The following HIP1R variants were observed in gnomAD, a reference collection of about 807,000 sequenced individuals.
HIP1R encodes the protein huntingtin interacting protein 1 related.
Under a neutral mutation model 144.2 loss-of-function variants are expected in HIP1R, and 135 were observed. The observed-to-expected ratio is 0.94, with a 90% CI of 0.81 to 1.08. The LOEUF is 1.08. Among genes scored for constraint, HIP1R ranks in the 50% least tolerant of loss-of-function variants. The pLI, the probability that HIP1R is intolerant of heterozygous loss-of-function variation, is 0.00. For synonymous variants in HIP1R, 698 were observed against 612.8 expected, an observed-to-expected ratio of 1.14 and a Z score of -2.05; for missense variants, 1,462 against 1,432.8, an observed-to-expected ratio of 1.02 and a Z score of -0.33.
chr12:122,856,678 G>A lies in HIP1R; in HGVS notation c.1572G>A (p.Lys524=). ...AGCTCAAGAGGGAGCTGGAGGCCAA[G>A]GCCGGAGAGCTGGCCCGCGCGCAGG... The part of the protein sequence containing the change: ...LEKLKRELEA[K]AGELARAQEA... The change falls in exon 17 of 32, where the codon AAG becomes AAA. Residue 524 remains lysine (K), a synonymous_variant. Transcript: ENST00000253083. 1.2e-6 allele frequency: 2 copies of A among 1,601,382 alleles called. No homozygotes were observed. The highest frequency in any genetic ancestry group is 1.7e-6 in the Non-Finnish European group (2 of 1,174,456).
chr12:122,859,923 G>A, intron 24 of HIP1R, 93 bp downstream of exon 24: 11 of 1,480,854 alleles, frequency 7.4e-6, no homozygotes, highest in Non-Finnish European at 1.0e-5. Context: ...CACGGGAAAG[G>A]AAGGCCTGGC....
At chr12:122,860,648 A>ACCCTGG in intron 27 of HIP1R, 31 bp from the exon 28 acceptor site, 1 of 1,593,318 alleles carries the variant, frequency 6.3e-7, no homozygotes, top group Non-Finnish European at 8.6e-7. Flanking sequence ...GGGGTCAGAG[A>ACCCTGG]CCCTGGCCCT....
intron 8 of HIP1R, 76 bp from the exon 9 acceptor site, chr12:122,854,829 C>G (rs1245918223): frequency 1.4e-6 from 2 of 1,458,574 alleles, no homozygotes; most frequent in Non-Finnish European, 1.9e-6. Flanking sequence ...TTGTAGCATA[C>G]GGAGGAACAA....
Position 122,860,452 on chromosome 12 carries a change from CAAG to C in HIP1R, c.2592_2594del (p.Lys864del). On this transcript the variant is annotated inframe_deletion, in exon 27 of 32. Transcript: ENST00000253083. ...CAGCCACGCAGCAGGAATTTTACGC[CAAG>C]AACTCGCGCTGGACCGAAGGCCTCA... 1 of 1,613,416 alleles carries C rather than the reference CAAG, an allele frequency of 6.2e-7. No individual in the cohort carries two copies. The highest frequency in any genetic ancestry group is 8.5e-7 in the Non-Finnish European group (1 of 1,180,000).
rs763121106 is a variant in HIP1R, at chr12:122,855,092, C to A, written c.816C>A (p.Tyr272Ter). 1 of 1,613,856 alleles carries A rather than the reference C, an allele frequency of 6.2e-7. No homozygotes were observed. The highest frequency in any genetic ancestry group is 8.5e-7 in the Non-Finnish European group (1 of 1,180,020). ...TCCGCAGAGCCTCCGACATGCTGTACTTCAAGCGGCTCATCCAGATCCCCC... is the reference window on the plus strand; with the variant it reads ...TCCGCAGAGCCTCCGACATGCTGTAATTCAAGCGGCTCATCCAGATCCCCC... Reference protein sequence around the residue: ...NFFRRASDMLYFKRLIQIPRL... With the variant: ...NFFRRASDML The change falls in exon 10 of 32, where the codon TAC becomes TAA. Residue 272 changes from tyrosine to a stop codon, truncating the protein, a stop_gained. Transcript: ENST00000253083. LOFTEE classifies it high-confidence loss of function.
chr12:122,858,890 T>C lies in HIP1R; in HGVS notation c.2103T>C (p.Asp701=), dbSNP rs2033677420. 2 of 1,613,244 alleles carry C rather than the reference T, an allele frequency of 1.2e-6. No individual in the cohort carries two copies. Among genetic ancestry groups the C allele is most frequent in the Non-Finnish European group, 1.7e-6 (2 of 1,180,016 alleles). Residue 701 remains aspartate (D), a synonymous_variant, in exon 21 of 32, where the codon GAT becomes GAC. Transcript: ENST00000253083. ...ALTRFSHLAA[D]TIINGGATSH... The stretch of plus-strand genomic sequence containing the variant: ...CCCGCTTCTCCCACCTGGCTGCGGA[T>C]ACCATCATCAATGGCGGTGCCACCT...
chr12:122,857,907 C>T (rs928083135), intron 18 of HIP1R, 195 bp from the exon 19 acceptor site: 5 of 450,654 alleles, frequency 1.1e-5, no homozygotes, highest in African/African-American at 2.0e-5. Flanking sequence ...CTTGAGCTCA[C>T]GTTTTAATTG....
Position 122,860,044 on chromosome 12 carries a change from C to A in HIP1R, c.2466-3C>A, listed in dbSNP as rs754351737. On this transcript the variant is annotated splice_polypyrimidine_tract_variant and splice_region_variant and intron_variant, in intron 24 of 31. Transcript: ENST00000253083. The stretch of plus-strand genomic sequence containing the variant: ...CAGCTAAGTCTCTCCTTCTCTCCCC[C>A]AGGATCCTCAACTCCTGCACAGACC... 1.7e-5 allele frequency: 26 copies of A among 1,555,918 alleles called. No individual in the cohort carries two copies. The highest frequency in any genetic ancestry group is 9.5e-5 in the Admixed American group (5 of 52,430).
intron 7 of HIP1R, among the ~76,000 whole-genome samples, chr12:122,852,741 A>G (rs2033437190): frequency 6.6e-6 from 1 of 152,110 alleles, no homozygotes; most frequent in South Asian, 2.1e-4. Context: ...GGTGGTGGGA[A>G]GAGAGATGTG....
chr12:122,860,701 C>G lies in HIP1R; in HGVS notation c.2683C>G (p.Leu895Val). 6.2e-7 allele frequency: 1 copy of G among 1,613,370 alleles called. No individual in the cohort carries two copies. The highest frequency in any genetic ancestry group is 8.5e-7 in the Non-Finnish European group (1 of 1,179,970). ...QLVEAADKVV[L>V]HTGKYEELIV... ...CAGGGAGGCAGCTGACAAGGTGGTG[C>G]TTCACACGGGCAAGTATGAGGAGCT... Residue 895 changes from leucine to valine, a missense_variant, in exon 28 of 32, where the codon CTT (leucine) becomes GTT (valine). Physicochemically the swap from Leu to Val is conservative, Grantham distance 32. Around this residue, in one of 2 missense-constraint regions of HIP1R, gnomAD observed 1,112 missense variants for 1,011.7 expected, o/e 1.10. Coordinates refer to ENST00000253083, the MANE Select transcript of HIP1R (RefSeq NM_003959.3).
Position 122,858,147 on chromosome 12 carries a change from T to A in HIP1R, c.1861T>A (p.Phe621Ile). 1 of 1,603,876 alleles carries A rather than the reference T, an allele frequency of 6.2e-7. No individual in the cohort carries two copies. ...GCGGCAGAGGCTGCTGGACGAGCAG[T>A]TCGCAGTGTTGCGGGGCGCTGCTGC... ...GLRQRLLDEQ[F>I]AVLRGAAAEA... Residue 621 changes from phenylalanine to isoleucine, a missense_variant, in exon 19 of 32, where the codon TTC (phenylalanine) becomes ATC (isoleucine). Transcript: ENST00000253083.
At chr12:122,857,272 C>G in intron 18 of HIP1R, 57 bp downstream of exon 18, 2 of 1,462,728 alleles carry the variant, frequency 1.4e-6, no homozygotes, top group Non-Finnish European at 9.4e-7. Context: ...TGGCAACCAT[C>G]GATCTGTCTC....
chr12:122,842,040 C>T (rs1566101445), intron 1 of HIP1R, among the ~76,000 whole-genome samples: 1 of 152,178 alleles, frequency 6.6e-6, no homozygotes, highest in Non-Finnish European at 1.5e-5. Context: ...CTGTCCGCCT[C>T]GCTGCTTTGC....
chr12:122,844,530 C>T (rs1218854312), intron 1 of HIP1R, among the ~76,000 whole-genome samples: 1 of 152,232 alleles, frequency 6.6e-6, no homozygotes, highest in Non-Finnish European at 1.5e-5. Context: ...GCATCCTCCT[C>T]CTCATGCTCT....
Position 122,861,821 on chromosome 12 carries a change from G to T in HIP1R, c.*68G>T. On this transcript the variant is annotated 3_prime_UTR_variant, in exon 32 of 32. Coordinates refer to ENST00000253083, the MANE Select transcript of HIP1R (RefSeq NM_003959.3). ...CCTCTGCAACTGCCCTGACAGGACC[G>T]AGAGGCCTTGCCCCTCCACCTGGTG... The T allele has an allele frequency of 1.4e-6, 2 of 1,472,166 alleles. No individual in the cohort carries two copies. The highest frequency in any genetic ancestry group is 1.9e-6 in the Non-Finnish European group (2 of 1,059,494). 91.2% of individuals were successfully genotyped at this position (1,472,166 alleles called of 1,614,324 possible). A position where few individuals can be genotyped will look rare whatever the true frequency, so the allele number is the denominator to read the frequency against.
chr12:122,858,296 C>A, intron 19 of HIP1R, 47 bp downstream of exon 19: 1 of 1,585,026 alleles, frequency 6.3e-7, no homozygotes, highest in South Asian at 1.1e-5. Flanking sequence ...TCCTTCCCAT[C>A]CCCAGCCCTG....
intron 10 of HIP1R, 60 bp downstream of exon 10, chr12:122,855,188 C>A: frequency 6.2e-7 from 1 of 1,611,288 alleles, no homozygotes; most frequent in South Asian, 1.1e-5. Flanking sequence ...GGCTGGGCCC[C>A]ACACAGGCTA....
intron 18 of HIP1R, chr12:122,857,554 G>T: frequency 2.2e-6 from 1 of 458,056 alleles, no homozygotes; most frequent in Admixed American, 3.4e-5. Flanking sequence ...ACAAGTTTCT[G>T]TGTAAACATC....
chr12:122,852,670 C>G (rs75686965), intron 7 of HIP1R, among the ~76,000 whole-genome samples: 1 of 152,160 alleles, frequency 6.6e-6, no homozygotes, highest in African/African-American at 2.4e-5. Flanking sequence ...GAAACACAAA[C>G]GTCCTAAACA....
Sources: allele counts gnomAD v4.1 joint callset (sites outside exome capture counted in the v4.1 genomes callset), GRCh38; gene constraint gnomAD v4.1.1; regional missense constraint gnomAD v4.1.1; transcripts MANE v1.5; gene names NCBI Gene and HGNC (gene_info 2026-07-23, HGNC 2026-07-21).